The following SH3BP5L variants were observed in gnomAD, a reference collection of about 807,000 sequenced individuals.
SH3BP5L encodes SH3 binding domain protein 5 like, also known as SH3 domain-binding protein 5-like.
SH3BP5L carries 16 observed loss-of-function variants against 40.9 expected under a neutral mutation model. That is an observed-to-expected ratio of 0.39 (90% confidence interval 0.27 to 0.59). The LOEUF is 0.59. SH3BP5L is among the 20% of genes least tolerant of loss of function. The pLI, the probability that SH3BP5L is intolerant of heterozygous loss-of-function variation, is 0.53. For synonymous variants in SH3BP5L, 229 were observed against 226.7 expected (o/e 1.01, Z -0.09); for missense variants, 471 against 544.6 (o/e 0.86, Z 1.35).
rs377458804 is a variant in SH3BP5L, at chr1:248,816,694, T to A, written c.247-32A>T. 1.9e-6 allele frequency: 3 copies of A among 1,613,720 alleles called. No individual in the cohort carries two copies. The African/African-American group carries it at 4.0e-5, about 22-fold the overall frequency. On this transcript the variant is annotated intron_variant, in intron 3 of 6. Transcript: ENST00000366472. ...AGGAACAAGGCAGAGGAAAGGCACA[T>A]GTTTGGGTCCCAGCCCCTCTTGTTT...
Position 248,813,162 on chromosome 1 carries a change from C to T in SH3BP5L, c.538G>A (p.Val180Met), listed in dbSNP as rs749631274. ...QEMLNHATCK[V>M]NEAEEERLRG... ...AGCCGCTCTTCCTCCGCCTCATTCA[C>T]CTGGCCCAGAGGACACATCACTGAG... Residue 180 changes from valine (V) to methionine (M), a missense_variant and splice_region_variant, in exon 6 of 7, where the codon GTG (valine) becomes ATG (methionine). Physicochemically the swap from Val to Met is conservative, Grantham distance 21. Transcript: ENST00000366472. The T allele has an allele frequency of 3.8e-6, 6 of 1,573,468 alleles. No homozygotes were observed. Among genetic ancestry groups the T allele is most frequent in the Non-Finnish European group, 5.2e-6 (6 of 1,159,028 alleles).
In SH3BP5L at chr1:248,813,007, C is replaced by T. The variant is rs1317015325; in HGVS notation, c.693G>A (p.Gln231=). 1.3e-6 allele frequency: 2 copies of T among 1,596,690 alleles called. No homozygotes were observed. The highest frequency in any genetic ancestry group is 2.7e-5 in the African/African-American group (2 of 74,530). ...KSRPYFELKA[Q]FSQILEEHKA... Reference sequence around the variant, plus strand: ...CAGCTACCTCCAGGATCTGGCTGAACTGGGCCTTGAGCTCAAAGTAGGGGC... The same window carrying T: ...CAGCTACCTCCAGGATCTGGCTGAATTGGGCCTTGAGCTCAAAGTAGGGGC... The change falls in exon 6 of 7, where the codon CAG becomes CAA. Residue 231 remains glutamine, a synonymous_variant. Transcript: ENST00000366472.
intron 4 of SH3BP5L, among the ~76,000 whole-genome samples, chr1:248,815,438 C>T (rs1475080808): frequency 1.3e-5 from 2 of 152,112 alleles, no homozygotes; most frequent in Non-Finnish European, 2.9e-5. Flanking sequence ...ATTAATACAG[C>T]ACACATGGTT....
rs1664113924 is a variant in SH3BP5L at position 248,816,636 on chromosome 1, G to C, written c.273C>G (p.Ile91Met). The C allele has an allele frequency of 6.2e-7, 1 of 1,613,984 alleles. No individual in the cohort carries two copies. Among genetic ancestry groups the C allele is most frequent in the Admixed American group, 1.7e-5 (1 of 60,004 alleles). ...TCAGTTTCCTCGCCGACTCCTGTAG[G>C]ATCCTCCGATAGGTGGTCCTGGCCT... is the stretch of plus-strand genomic sequence containing the variant. Reference protein sequence around the residue: ...LDEARTTYRRILQESARKLNT... With the variant: ...LDEARTTYRRMLQESARKLNT... Residue 91 changes from isoleucine to methionine, a missense_variant, in exon 4 of 7, where the codon ATC becomes ATG. By Grantham distance (10) the Ile-to-Met change is conservative (BLOSUM62 1). Coordinates refer to ENST00000366472, the MANE Select transcript of SH3BP5L (RefSeq NM_030645.3).
Position 248,816,846 on chromosome 1 carries a change from G to A in SH3BP5L, c.222C>T (p.Ile74=), listed in dbSNP as rs1044563732. ...CATCCAGCTGTAGTTCCACCTGGTT[G>A]ATCTCCTCGCTGGCCTGGTTCAGGT... ...LEHLNQASEE[I]NQVELQLDEA... is the part of the protein sequence containing the mutation. The change falls in exon 3 of 7, where the codon ATC becomes ATT. Residue 74 remains isoleucine (I), a synonymous_variant. Coordinates refer to ENST00000366472, the MANE Select transcript of SH3BP5L (RefSeq NM_030645.3). The A allele has an allele frequency of 2.5e-6, 4 of 1,614,188 alleles. No homozygotes were observed. Among genetic ancestry groups the A allele is most frequent in the Non-Finnish European group, 3.4e-6 (4 of 1,180,028 alleles).
chr1:248,816,893 G>A lies in SH3BP5L; in HGVS notation c.184-9C>T, dbSNP rs758028400. ...AGGTGCTCCAACTCCTCCTGCCACA[G>A]AGAGGGGTGGCAAATTAGTGCAGTG... On this transcript the variant is annotated splice_polypyrimidine_tract_variant and intron_variant, in intron 2 of 6. Coordinates refer to ENST00000366472, the MANE Select transcript of SH3BP5L (RefSeq NM_030645.3). 1 of 1,614,134 alleles carries A rather than the reference G, an allele frequency of 6.2e-7. No individual in the cohort carries two copies. The highest frequency in any genetic ancestry group is 1.1e-5 in the South Asian group (1 of 91,078).
At chr1:248,824,200 C>T (rs924210062) in intron 2 of SH3BP5L, among the ~76,000 whole-genome samples, 7 of 152,208 alleles carry the variant, frequency 4.6e-5, no homozygotes, top group African/African-American at 1.7e-4. Context: ...CTTTATAGAT[C>T]TAAAGTTGAT....
intron 1 of SH3BP5L, 147 bp from the exon 2 acceptor site, chr1:248,825,513 T>G: frequency 2.3e-5 from 9 of 397,404 alleles, no homozygotes; most frequent in Non-Finnish European, 2.7e-5. Flanking sequence ...TCAACTTCTC[T>G]CCTTAGCCCT....
At chr1:248,816,065 T>C (rs1284082631) in intron 4 of SH3BP5L, 2 of 158,638 alleles carry the variant, frequency 1.3e-5, no homozygotes, top group East Asian at 1.8e-4. Context: ...TGTTTTATTA[T>C]GTTTTTCCAA....
chr1:248,818,286 T>G (rs1007145353), intron 2 of SH3BP5L, among the ~76,000 whole-genome samples: 7 of 151,978 alleles, frequency 4.6e-5, no homozygotes, highest in African/African-American at 1.7e-4. Flanking sequence ...GGGCAGGGAT[T>G]GCAGTAAGCC....
chr1:248,816,314 T>G, intron 4 of SH3BP5L: 1 of 544,704 alleles, frequency 1.8e-6, no homozygotes. Flanking sequence ...GAACTAAATA[T>G]TCTCCCACAG....
chr1:248,821,570 G>A lies in SH3BP5L; in HGVS notation c.183+3183C>T, dbSNP rs901691883. 1.3e-5 allele frequency among the ~76,000 whole-genome samples: 2 copies of A among 152,092 alleles called. No homozygotes were observed. Among genetic ancestry groups the A allele is most frequent in the African/African-American group, 4.8e-5 (2 of 41,410 alleles). ...ACCCTAGAGAGTTTGGAAAGGAGCA[G>A]GTAAACGAGAGCACTCACATCTGAG... On this transcript the variant is annotated intron_variant, in intron 2 of 6. Transcript: ENST00000366472. This position sits in a 1 kb window ranked among gnomAD's most constrained non-coding sequence, Gnocchi z 4.6.
Position 248,813,012 on chromosome 1 carries a change from C to A in SH3BP5L, c.688G>T (p.Ala230Ser). ...GKSRPYFELKAQFSQILEEHK... is the reference protein window; with the variant it reads ...GKSRPYFELKSQFSQILEEHK... ...ACCTCCAGGATCTGGCTGAACTGGG[C>A]CTTGAGCTCAAAGTAGGGGCGGCTC... is the stretch of plus-strand genomic sequence containing the variant. The change falls in exon 6 of 7, where the codon GCC (alanine) becomes TCC (serine). Residue 230 changes from alanine to serine, a missense_variant. Physicochemically the swap from Ala to Ser is moderately conservative, Grantham distance 99 (BLOSUM62 1). Coordinates refer to ENST00000366472, the MANE Select transcript of SH3BP5L (RefSeq NM_030645.3). 1.2e-6 allele frequency: 2 copies of A among 1,600,318 alleles called. No individual in the cohort carries two copies. Among genetic ancestry groups the A allele is most frequent in the Non-Finnish European group, 1.7e-6 (2 of 1,171,102 alleles).
chr1:248,812,454 G>T lies in SH3BP5L; in HGVS notation c.712-84C>A. 9.5e-7 allele frequency: 1 copy of T among 1,056,886 alleles called. No homozygotes were observed. The highest frequency in any genetic ancestry group is 1.4e-6 in the Non-Finnish European group (1 of 714,752). 65.5% of individuals were successfully genotyped at this position (1,056,886 alleles called of 1,614,324 possible). A position where few individuals can be genotyped will look rare whatever the true frequency, so the allele number is the denominator to read the frequency against. On this transcript the variant is annotated intron_variant, in intron 6 of 6. Transcript: ENST00000366472. The surrounding 1 kb of genome is among the most constrained non-coding windows in gnomAD (Gnocchi z 6.1). ...ACTCTGCACTGAGGTCTGAGGGCCT[G>T]CTCTCCCAGAATACCTGGACAGCTG...
At chr1:248,819,415 A>AG (rs1352660832) in intron 2 of SH3BP5L, among the ~76,000 whole-genome samples, 1 of 151,124 alleles carries the variant, frequency 6.6e-6, no homozygotes, top group Non-Finnish European at 1.5e-5. Flanking sequence ...AAAAAAAAAA[A>AG]TCGTGGGCAG....
intron 2 of SH3BP5L, among the ~76,000 whole-genome samples, chr1:248,822,111 G>A (rs1236843617): frequency 6.6e-6 from 1 of 152,102 alleles, no homozygotes; most frequent in African/African-American, 2.4e-5. Context: ...TATGGACGGT[G>A]GATGGAAACC....
Position 248,812,406 on chromosome 1 carries a change from G to C in SH3BP5L, c.712-36C>G. 1 of 1,539,110 alleles carries C rather than the reference G, an allele frequency of 6.5e-7. No individual in the cohort carries two copies. Among genetic ancestry groups the C allele is most frequent in the Non-Finnish European group, 8.9e-7 (1 of 1,127,134 alleles). On this transcript the variant is annotated intron_variant, in intron 6 of 6. Transcript: ENST00000366472. The surrounding 1 kb of genome is among the most constrained non-coding windows in gnomAD (Gnocchi z 6.1). ...CAGAGCAGAGCAAGGCGACCCATGGGGCACGTCTCCACCTTCCTCAGCACT... is the reference window on the plus strand; with the variant it reads ...CAGAGCAGAGCAAGGCGACCCATGGCGCACGTCTCCACCTTCCTCAGCACT...
intron 2 of SH3BP5L, 114 bp from the exon 3 acceptor site, chr1:248,816,998 G>A: frequency 6.3e-7 from 1 of 1,582,386 alleles, no homozygotes; most frequent in Admixed American, 1.8e-5. Flanking sequence ...GGGAAATGAG[G>A]TGAGACACTC....
intron 2 of SH3BP5L, 85 bp downstream of exon 2, chr1:248,824,664 AGAGT>A: frequency 6.8e-7 from 1 of 1,467,748 alleles, no homozygotes; most frequent in Admixed American, 2.1e-5. Context: ...GACTGGGGAC[AGAGT>A]AAGTCTAAGC....
Sources: allele counts gnomAD v4.1 joint callset (sites outside exome capture counted in the v4.1 genomes callset), GRCh38; gene constraint gnomAD v4.1.1; non-coding constraint Gnocchi (gnomAD v3.1); transcripts MANE v1.5; gene names NCBI Gene and HGNC (gene_info 2026-07-23, HGNC 2026-07-21).